The following PIDD1 variants were observed in gnomAD, a reference collection of about 807,000 sequenced individuals.
The protein encoded by PIDD1 is p53-induced death domain-containing protein 1.
A neutral mutation model predicts 80.0 loss-of-function variants in PIDD1; 72 were observed. That is an observed-to-expected ratio of 0.90 (90% CI 0.74 to 1.09). The LOEUF is 1.09. Ranked by LOEUF, PIDD1 falls within the 50% of genes least tolerant of loss-of-function variation. PIDD1 has a pLI of 0.00. For missense variants in PIDD1, 1,329 were observed against 1,228.3 expected (o/e 1.08, Z -1.23); for synonymous variants, 655 against 543.5 (o/e 1.21, Z -2.85).
upstream of PIDD1, among the ~76,000 whole-genome samples, chr11:807,495 A>C (rs1039767492): frequency 6.6e-6 from 1 of 150,854 alleles, no homozygotes; most frequent in African/African-American, 2.4e-5. Context: ...ATAAAAAAAT[A>C]GGCCGGGCGT....
chr11:805,176 T>C lies in PIDD1; in HGVS notation c.-76+3A>G, dbSNP rs890062647. 3.1e-6 allele frequency: 3 copies of C among 980,548 alleles called. No individual in the cohort carries two copies. The African/African-American group carries it at 5.3e-5, about 17-fold the overall frequency. 60.7% of individuals were successfully genotyped at this position (980,548 alleles called of 1,614,324 possible). On this transcript the variant is annotated splice_donor_region_variant and intron_variant, in intron 1 of 15. Coordinates refer to ENST00000347755, the MANE Select transcript of PIDD1 (RefSeq NM_145886.4). ...CCCTCCGCCCGCCCAGGCCGGCGCG[T>C]ACCTGCGCTGCAGGCGGCGCGCAAA...
At chr11:805,506 C>G (rs1032905910), upstream of PIDD1, 7 of 614,064 alleles carry the variant, frequency 1.1e-5, no homozygotes, top group Non-Finnish European at 1.4e-5. Flanking sequence ...CCACGAAACC[C>G]GCCCTTTCCG....
chr11:799,548 T>C lies in PIDD1; in HGVS notation c.2492A>G (p.Gln831Arg), dbSNP rs1250185403. ...CCAGGAGAAGAGCATGTGACGGATC[T>C]GCTCATCCAGATCATCCCTGCAGGC... ...RHEFRDDLDE[Q>R]IRHMLFSWAE... Residue 831 changes from glutamine (Q) to arginine (R), a missense_variant, in exon 16 of 16, where the codon CAG becomes CGG. Gln to Arg is a conservative substitution (Grantham distance 43, BLOSUM62 1). Transcript: ENST00000347755. 1 of 1,600,532 alleles carries C rather than the reference T, an allele frequency of 6.2e-7. No individual in the cohort carries two copies. Among genetic ancestry groups the C allele is most frequent in the Non-Finnish European group, 8.5e-7 (1 of 1,178,284 alleles).
chr11:800,380 A>G lies in PIDD1; in HGVS notation c.2113T>C (p.Tyr705His), dbSNP rs1184933236. The change falls in exon 13 of 16, where the codon TAC becomes CAC. Residue 705 changes from tyrosine to histidine, a missense_variant. Tyr to His is a moderately conservative substitution (Grantham distance 83). Coordinates refer to ENST00000347755, the MANE Select transcript of PIDD1 (RefSeq NM_145886.4). The part of the protein sequence containing the change: ...YSHLKNVKEV[Y>H]VTTTLDREAQ... ...TCCCGGTCCAGAGTGGTGGTCACGT[A>G]TACCTCCTTCACATTCTTCAGGTGC... 3.1e-6 allele frequency: 5 copies of G among 1,603,258 alleles called. No individual in the cohort carries two copies. Among genetic ancestry groups the G allele is most frequent in the Non-Finnish European group, 4.3e-6 (5 of 1,174,148 alleles).
chr11:802,690 C>G lies in PIDD1; in HGVS notation c.911G>C (p.Ser304Thr). Reference protein sequence around the residue: ...PLGEASPDAPSSPVAALIPEM... With the variant: ...PLGEASPDAPTSPVAALIPEM... Reference sequence around the variant, plus strand: ...TCTAGCACCAAGCCTACCTGGTGAACTCGGGGCGTCTGGCGAGGCCTCACC... The same window carrying G: ...TCTAGCACCAAGCCTACCTGGTGAAGTCGGGGCGTCTGGCGAGGCCTCACC... Residue 304 changes from serine to threonine, a missense_variant, in exon 4 of 16, where the codon AGT becomes ACT. Coordinates refer to ENST00000347755, the MANE Select transcript of PIDD1 (RefSeq NM_145886.4). 1 of 1,610,304 alleles carries G rather than the reference C, an allele frequency of 6.2e-7. No individual in the cohort carries two copies. Among genetic ancestry groups the G allele is most frequent in the South Asian group, 1.1e-5 (1 of 90,534 alleles).
In PIDD1 at chr11:800,804, C is replaced by T; in HGVS notation, c.1875G>A (p.Arg625=). Residue 625 remains arginine, a synonymous_variant, in exon 11 of 16, where the codon CGG becomes CGA. Transcript: ENST00000347755. ...ACTGCAGCAGGACCTGCTCAGGGTC[C>T]CGGCGCCGCTGCAGAGCGATGAGGT... ...RVNLIALQRR[R]DPEQVLLQCL... is the part of the protein sequence containing the mutation. 6.4e-7 allele frequency: 1 copy of T among 1,556,860 alleles called. No homozygotes were observed. The highest frequency in any genetic ancestry group is 8.7e-7 in the Non-Finnish European group (1 of 1,151,010).
Position 804,191 on chromosome 11 carries a change from G to A in PIDD1, c.198C>T (p.Phe66=), listed in dbSNP as rs761290019. 2 of 1,613,364 alleles carry A rather than the reference G, an allele frequency of 1.2e-6. No homozygotes were observed. Among genetic ancestry groups the A allele is most frequent in the South Asian group, 2.2e-5 (2 of 91,086 alleles). The change falls in exon 2 of 16, where the codon TTC becomes TTT. Residue 66 remains phenylalanine, a synonymous_variant. Coordinates refer to ENST00000347755, the MANE Select transcript of PIDD1 (RefSeq NM_145886.4). ...GGTCCTCGTGAGTGCTCAGACGCAAGAATTCCACCTGCAGCAGCTGCAGAG... is the reference window on the plus strand; with the variant it reads ...GGTCCTCGTGAGTGCTCAGACGCAAAAATTCCACCTGCAGCAGCTGCAGAG... ...QQPLQLLQVE[F]LRLSTHEDPQ...
upstream of PIDD1, among the ~76,000 whole-genome samples, chr11:809,233 G>A (rs528241646): frequency 1.3e-5 from 2 of 152,242 alleles, no homozygotes; most frequent in Admixed American, 1.3e-4. Flanking sequence ...AGCGGCCAGC[G>A]CAGGGGCTGA....
upstream of PIDD1, among the ~76,000 whole-genome samples, chr11:806,973 C>G (rs1335598170): frequency 6.6e-6 from 1 of 152,134 alleles, no homozygotes; most frequent in Non-Finnish European, 1.5e-5. Context: ...GGGCGCATCA[C>G]TTGAGGTCAG....
chr11:807,171 G>A (rs1208470135), upstream of PIDD1, among the ~76,000 whole-genome samples: 1 of 132,272 alleles, frequency 7.6e-6, no homozygotes, highest in Non-Finnish European at 1.6e-5. Context: ...CAGCTTGGGT[G>A]AGAGTGAGAC....
rs767801324 is a variant in PIDD1 at position 799,436 on chromosome 11, C to T, written c.2604G>A (p.Glu868=). Residue 868 remains glutamate, a synonymous_variant, in exon 16 of 16, where the codon GAG becomes GAA. Coordinates refer to ENST00000347755, the MANE Select transcript of PIDD1 (RefSeq NM_145886.4). The stretch of plus-strand genomic sequence containing the variant: ...GGCCGAGCTCCAAGACTGCGCGCAC[C>T]TCTTCAGCCACGTCCTGCCGGTCAC... The part of the protein sequence containing the change: ...EQSDRQDVAE[E]VRAVLELGRR... 1.2e-6 allele frequency: 2 copies of T among 1,611,144 alleles called. No homozygotes were observed. The highest frequency in any genetic ancestry group is 4.5e-5 in the East Asian group (2 of 44,872).
At chr11:806,382 C>T (rs538745822), upstream of PIDD1, among the ~76,000 whole-genome samples, 32 of 152,180 alleles carry the variant, frequency 2.1e-4, no homozygotes, top group African/African-American at 7.2e-4. Context: ...TCACCAGCTT[C>T]CTCGCCCAGG....
upstream of PIDD1, among the ~76,000 whole-genome samples, chr11:806,602 A>T (rs1197836308): frequency 2.1e-5 from 3 of 145,908 alleles, no homozygotes; most frequent in African/African-American, 7.7e-5. Flanking sequence ...TTTTTCTTTG[A>T]GATGGAGTCT....
rs746234770 is a variant in PIDD1, at chr11:803,280, G to A, written c.603C>T (p.Leu201=). Residue 201 remains leucine (L), a synonymous_variant, in exon 3 of 16, where the codon CTC becomes CTT. Transcript: ENST00000347755. ...GTAGCGTGTCCAGCAGATTCTGAGA[G>A]AGATCGAGGCGCTGCAGGGTGGATA... is the stretch of plus-strand genomic sequence containing the variant. The part of the protein sequence containing the change: ...GALSTLQRLD[L]SQNLLDTLPP... 1.9e-6 allele frequency: 3 copies of A among 1,613,812 alleles called. No individual in the cohort carries two copies. The highest frequency in any genetic ancestry group is 1.7e-5 in the Admixed American group (1 of 60,028).
Position 800,327 on chromosome 11 carries a change from G to A in PIDD1, c.2160+6C>T, listed in dbSNP as rs764920355. The A allele has an allele frequency of 2.6e-5, 42 of 1,612,602 alleles. No individual in the cohort carries two copies. Among genetic ancestry groups the A allele is most frequent in the Middle Eastern group, 1.6e-4 (1 of 6,084 alleles). ...GCCTCTCCCCTCACCCACTCCCCTC[G>A]CCCACCTGGCCCCGCACAGCCTGAG... is the stretch of plus-strand genomic sequence containing the variant. On this transcript the variant is annotated splice_donor_region_variant and intron_variant, in intron 13 of 15. Transcript: ENST00000347755.
Position 799,454 on chromosome 11 carries a change from C to A in PIDD1, c.2586G>T (p.Arg862=). Residue 862 remains arginine (R), a synonymous_variant, in exon 16 of 16, where the codon CGG becomes CGT. Transcript: ENST00000347755. ...LLVQALEQSD[R]QDVAEEVRAV... ...CGCGCACCTCTTCAGCCACGTCCTG[C>A]CGGTCACTCTGCTCCAGGGCCTGCA... 1 of 1,610,408 alleles carries A rather than the reference C, an allele frequency of 6.2e-7. No individual in the cohort carries two copies. The highest frequency in any genetic ancestry group is 8.5e-7 in the Non-Finnish European group (1 of 1,179,894).
chr11:808,893 C>T (rs931732077), upstream of PIDD1, among the ~76,000 whole-genome samples: 1 of 152,240 alleles, frequency 6.6e-6, no homozygotes, highest in Admixed American at 6.5e-5. Context: ...CCAGGGTTTG[C>T]ACTGCTGTTA....
intron 2 of PIDD1, chr11:803,874 G>A: frequency 1.6e-6 from 1 of 639,512 alleles, no homozygotes; most frequent in Non-Finnish European, 2.7e-6. Context: ...GCAGCGTCAG[G>A]GTCCAGGAGC....
chr11:800,495 C>T (rs369873589), intron 12 of PIDD1, 44 bp from the exon 13 acceptor site: 49 of 1,609,558 alleles, frequency 3.0e-5, no homozygotes, highest in East Asian at 6.7e-5. Context: ...TCGGGGAGGA[C>T]GGTAAGGCTC....
Sources: allele counts gnomAD v4.1 joint callset (sites outside exome capture counted in the v4.1 genomes callset), GRCh38; gene constraint gnomAD v4.1.1; transcripts MANE v1.5; gene names NCBI Gene and HGNC (gene_info 2026-07-23, HGNC 2026-07-21).